Variants in CELF2 observed in about 807,000 individuals in gnomAD.
The protein encoded by CELF2 is CUG triplet repeat RNA-binding protein 2.
Under a neutral mutation model 62.6 loss-of-function variants are expected in CELF2, and 8 were observed. That is an observed-to-expected ratio of 0.13 (90% CI 0.07 to 0.23). The LOEUF (loss-of-function observed/expected upper bound fraction) is 0.23. Ranked by LOEUF, CELF2 falls within the 10% of genes least tolerant of loss-of-function variation. CELF2 has a pLI of 1.00. For missense variants in CELF2, 333 were observed against 671.0 expected, an observed-to-expected ratio of 0.50 and a Z score of 5.56; for synonymous variants, 258 against 250.0, an observed-to-expected ratio of 1.03 and a Z score of -0.30.
In CELF2 at chr10:10,825,249, A is replaced by G. The variant is rs566077055; in HGVS notation, c.53+26432A>G. 7.9e-5 allele frequency among the ~76,000 whole-genome samples: 12 copies of G among 152,188 alleles called. No homozygotes were observed. The East Asian group carries it at 1.2e-3, about 15-fold the overall frequency. On this transcript the variant is annotated intron_variant, in intron 1 of 13. Transcript: ENST00000636488. ...TTTTGAGACGGAGTCTCGCTCTGTCACCCAGGCTGGAGTGCAGTGGCGCGA... is the reference window on the plus strand; with the variant it reads ...TTTTGAGACGGAGTCTCGCTCTGTCGCCCAGGCTGGAGTGCAGTGGCGCGA...
chr10:10,843,148 A>T lies in CELF2; in HGVS notation c.53+44331A>T, dbSNP rs553390766. Among the ~76,000 whole-genome samples the T allele has an allele frequency of 7.9e-5, 12 of 152,134 alleles. No individual in the cohort carries two copies. The East Asian group carries it at 2.3e-3, about 29-fold the overall frequency. ...GATTAGTAATAATGACCCAGGTTTTATATCTGATATTGGCAATTTGTGTCT... is the reference window on the plus strand; with the variant it reads ...GATTAGTAATAATGACCCAGGTTTTTTATCTGATATTGGCAATTTGTGTCT... On this transcript the variant is annotated intron_variant, in intron 1 of 13. Transcript: ENST00000636488.
chr10:10,574,888 T>C, the CELF2 span, among the ~76,000 whole-genome samples: 1 of 117,986 alleles, frequency 8.5e-6, no homozygotes, highest in Non-Finnish European at 1.8e-5. Flanking sequence ...TTTTTTTTTT[T>C]TTTTTTTTTA....
At position 11,127,326 on chromosome 10, in the gene CELF2, C is replaced by T. The variant is rs140675149; in HGVS notation, c.75-38160C>T. 1.1e-3 allele frequency among the ~76,000 whole-genome samples: 167 copies of T among 152,278 alleles called. 2 individuals are homozygous for T. The highest frequency in any genetic ancestry group is 3.9e-3 in the African/African-American group (161 of 41,558). On this transcript the variant is annotated intron_variant, in intron 1 of 12. Coordinates refer to ENST00000633077, the MANE Select transcript of CELF2 (RefSeq NM_001326342.2). ...GATTTGGGTTGGTTCCAAGTTTTTG[C>T]TATTGTGAATAGTGCCCCAGTAAAC...
the CELF2 span, among the ~76,000 whole-genome samples, chr10:10,654,433 C>A: frequency 8.9e-6 from 1 of 112,292 alleles, no homozygotes; most frequent in African/African-American, 3.3e-5. Context: ...AATTTTAGAC[C>A]AATATCCTTG....
chr10:10,654,410 A>C, the CELF2 span, among the ~76,000 whole-genome samples: 2 of 110,124 alleles, frequency 1.8e-5, no homozygotes, highest in Admixed American at 1.8e-4. Flanking sequence ...GCAGACACAC[A>C]ACCAAAAAAG....
the CELF2 span, among the ~76,000 whole-genome samples, chr10:10,591,785 C>G: frequency 6.6e-6 from 1 of 152,194 alleles, no homozygotes; most frequent in Non-Finnish European, 1.5e-5. Flanking sequence ...GGCTTTGTCA[C>G]CAGTAGCTCT....
At chr10:11,014,998 T>C (rs2057038283), upstream of CELF2, among the ~76,000 whole-genome samples, 1 of 152,162 alleles carries the variant, frequency 6.6e-6, no homozygotes, top group Admixed American at 6.5e-5. Flanking sequence ...AACCGGTTCA[T>C]ATCCACGGGT....
chr10:11,302,678 C>T lies in CELF2; in HGVS notation c.977-11461C>T, dbSNP rs959481103. ...ATCGAGTTGGGTGTACTTGGTGTGGCAGCTGCTGTGTATAGGTTTCCCCGG... is the reference window on the plus strand; with the variant it reads ...ATCGAGTTGGGTGTACTTGGTGTGGTAGCTGCTGTGTATAGGTTTCCCCGG... On this transcript the variant is annotated intron_variant, in intron 9 of 12. Transcript: ENST00000633077. The surrounding 1 kb of genome is among the most constrained non-coding windows in gnomAD (Gnocchi z 5.0). Among the ~76,000 whole-genome samples the T allele has an allele frequency of 2.6e-5, 4 of 152,166 alleles. No individual in the cohort carries two copies. The highest frequency in any genetic ancestry group is 9.7e-5 in the African/African-American group (4 of 41,428).
intron 1 of CELF2, among the ~76,000 whole-genome samples, chr10:11,064,207 T>G (rs990785971): frequency 3.3e-5 from 5 of 152,200 alleles, no homozygotes; most frequent in Non-Finnish European, 5.9e-5. Flanking sequence ...TTAACCTGAT[T>G]CTTAGATCTG....
the CELF2 span, among the ~76,000 whole-genome samples, chr10:10,619,425 T>C: frequency 1.3e-5 from 2 of 152,194 alleles, no homozygotes; most frequent in African/African-American, 4.8e-5. Context: ...TGTGTAGAAA[T>C]AGAACATAGA....
the CELF2 span, among the ~76,000 whole-genome samples, chr10:10,543,777 C>T: frequency 6.6e-6 from 1 of 151,984 alleles, no homozygotes; most frequent in Non-Finnish European, 1.5e-5. Context: ...ACAACAACAA[C>T]AACAAAGCAG....
At position 11,145,632 on chromosome 10, in the gene CELF2, G is replaced by C. The variant is rs1460553260; in HGVS notation, c.75-19854G>C. 6.6e-6 allele frequency among the ~76,000 whole-genome samples: 1 copy of C among 152,222 alleles called. No homozygotes were observed. The highest frequency in any genetic ancestry group is 1.5e-5 in the Non-Finnish European group (1 of 68,038). ...GAAGTGAGCTGTGGGTGACTGCAGA[G>C]AGGTTGTAGCACTCTGTGCAGGGCT... On this transcript the variant is annotated intron_variant, in intron 1 of 12. Coordinates refer to ENST00000633077, the MANE Select transcript of CELF2 (RefSeq NM_001326342.2). The surrounding 1 kb of genome is among the most constrained non-coding windows in gnomAD (Gnocchi z 4.3).
chr10:11,210,503 G>A (rs946260161), intron 2 of CELF2, among the ~76,000 whole-genome samples: 1 of 152,186 alleles, frequency 6.6e-6, no homozygotes, highest in African/African-American at 2.4e-5. Flanking sequence ...CCCTCAAGTT[G>A]TATAGTTATT....
intron 4 of CELF2, among the ~76,000 whole-genome samples, chr10:11,254,040 C>T (rs2077955570): frequency 6.6e-6 from 1 of 152,056 alleles, no homozygotes; most frequent in East Asian, 1.9e-4. Context: ...ATACTTAGTG[C>T]CCGTGAATAC....
At chr10:10,659,216 A>G in the CELF2 span, among the ~76,000 whole-genome samples, 1 of 152,214 alleles carries the variant, frequency 6.6e-6, no homozygotes, top group Admixed American at 6.5e-5. Context: ...ATAAAGAAAC[A>G]GGAGCATATT....
the CELF2 span, among the ~76,000 whole-genome samples, chr10:10,658,395 A>T: frequency 2.0e-5 from 3 of 152,208 alleles, no homozygotes; most frequent in Non-Finnish European, 4.4e-5. Context: ...TGAAATCCAA[A>T]GATAATATTG....
Position 11,310,447 on chromosome 10 carries a change from C to A in CELF2, c.977-3692C>A, listed in dbSNP as rs1220759645. Among the ~76,000 whole-genome samples, 9 of 152,078 alleles carry A rather than the reference C, an allele frequency of 5.9e-5. No individual in the cohort carries two copies. The East Asian group carries it at 1.7e-3, about 29-fold the overall frequency. ...CTCTTACTGAGATTTGATAAATCTT[C>A]TTGAGAAAAATATTTCTTCATCTAT... is the stretch of plus-strand genomic sequence containing the variant. On this transcript the variant is annotated intron_variant, in intron 9 of 12. Coordinates refer to ENST00000633077, the MANE Select transcript of CELF2 (RefSeq NM_001326342.2).
the CELF2 span, among the ~76,000 whole-genome samples, chr10:10,791,964 G>A: frequency 6.9e-6 from 1 of 145,480 alleles, no homozygotes; most frequent in African/African-American, 2.6e-5. Flanking sequence ...GAGAGAAGGA[G>A]GAAGGGAATC....
chr10:11,022,375 G>T (rs1223509571), intron 1 of CELF2, among the ~76,000 whole-genome samples: 1 of 152,108 alleles, frequency 6.6e-6, no homozygotes, highest in African/African-American at 2.4e-5. Context: ...CAATTTGCTG[G>T]GTTGAGATAA....
Sources: allele counts gnomAD v4.1 joint callset (sites outside exome capture counted in the v4.1 genomes callset), GRCh38; gene constraint gnomAD v4.1.1; non-coding constraint Gnocchi (gnomAD v3.1); transcripts MANE v1.5; gene names NCBI Gene and HGNC (gene_info 2026-07-23, HGNC 2026-07-21).